The following TMEM120B variants were observed in gnomAD, a reference collection of about 807,000 sequenced individuals.
TMEM120B encodes the protein transmembrane protein 120B.
A neutral mutation model predicts 55.5 loss-of-function variants in TMEM120B; 31 were observed. The observed-to-expected ratio is 0.56, with a 90% confidence interval of 0.42 to 0.75. The LOEUF is 0.75. Among genes scored for constraint, TMEM120B ranks in the 30% least tolerant of loss-of-function variants. The pLI, the probability that TMEM120B is intolerant of heterozygous loss-of-function variation, is 0.00. For synonymous variants in TMEM120B, 203 were observed against 176.3 expected (o/e 1.15, Z -1.20); for missense variants, 399 against 425.5 (o/e 0.94, Z 0.55).
At chr12:121,766,573 C>T (rs1873858096) in intron 6 of TMEM120B, among the ~76,000 whole-genome samples, 1 of 152,264 alleles carries the variant, frequency 6.6e-6, no homozygotes, top group East Asian at 1.9e-4. Context: ...TCTGATTGGC[C>T]AGGCTTGGGT....
At chr12:121,769,257 C>T (rs1566525057) in intron 6 of TMEM120B, among the ~76,000 whole-genome samples, 3 of 151,486 alleles carry the variant, frequency 2.0e-5, no homozygotes, top group South Asian at 4.2e-4. Flanking sequence ...AAGTCCAGGG[C>T]TGGGCAAGGG....
At chr12:121,769,541 A>T (rs977198490) in intron 6 of TMEM120B, among the ~76,000 whole-genome samples, 2 of 126,070 alleles carry the variant, frequency 1.6e-5, no homozygotes, top group Non-Finnish European at 1.9e-5. Flanking sequence ...CCCTGTCTCT[A>T]AAAAAAAAAA....
chr12:121,756,218 C>G (rs150822894), intron 5 of TMEM120B, among the ~76,000 whole-genome samples: 297 of 152,242 alleles, frequency 2.0e-3, no homozygotes, highest in African/African-American at 6.3e-3. Flanking sequence ...TTGAGATGGG[C>G]CGGGTGTGGT....
intron 5 of TMEM120B, chr12:121,758,287 C>T: frequency 1.0e-6 from 1 of 985,478 alleles, no homozygotes; most frequent in African/African-American, 1.7e-5. Context: ...GCCAGTGGGG[C>T]TCTGATAATC....
Position 121,761,650 on chromosome 12 carries a change from G to A in TMEM120B, c.463G>A (p.Val155Met), listed in dbSNP as rs1282572976. 1 of 1,613,700 alleles carries A rather than the reference G, an allele frequency of 6.2e-7. No homozygotes were observed. The highest frequency in any genetic ancestry group is 2.2e-5 in the East Asian group (1 of 44,874). The change falls in exon 6 of 12, where the codon GTG becomes ATG. Residue 155 changes from valine (V) to methionine (M), a missense_variant and splice_region_variant. This residue lies in a region of TMEM120B where 260 missense variants were observed against 303.9 expected (regional missense o/e 0.86). Transcript: ENST00000449592. ...CCCGGGGGCTGTTTCCTTGCACAGG[G>A]TGACTGACGAAGTCTTCAACTTCCT... is the stretch of plus-strand genomic sequence containing the variant. ...VACRFVLHYR[V>M]TDEVFNFLLV...
At chr12:121,742,200 A>C (rs776387118) in intron 1 of TMEM120B, among the ~76,000 whole-genome samples, 46 of 151,970 alleles carry the variant, frequency 3.0e-4, no homozygotes, top group Non-Finnish European at 5.4e-4. Flanking sequence ...ACAGGGTTTC[A>C]CTATTTTGGT....
chr12:121,753,910 G>C (rs1195507683), intron 5 of TMEM120B, among the ~76,000 whole-genome samples: 1 of 152,182 alleles, frequency 6.6e-6, no homozygotes, highest in African/African-American at 2.4e-5. Flanking sequence ...AGGCGCTGCT[G>C]GGGGTGCTCC....
intron 9 of TMEM120B, 99 bp downstream of exon 9, chr12:121,773,612 GC>G: frequency 2.3e-6 from 2 of 881,282 alleles, no homozygotes; most frequent in Non-Finnish European, 3.3e-6. Flanking sequence ...ATACAGCGGA[GC>G]CAGGCCGCTG....
At chr12:121,713,253 CA>C (rs1238382628) in intron 1 of TMEM120B, among the ~76,000 whole-genome samples, 1 of 152,180 alleles carries the variant, frequency 6.6e-6, no homozygotes, top group Non-Finnish European at 1.5e-5. Flanking sequence ...GCCTCTGAGG[CA>C]AGTTCCAGGC....
intron 1 of TMEM120B, among the ~76,000 whole-genome samples, chr12:121,717,255 C>T (rs904780589): frequency 1.3e-5 from 2 of 152,144 alleles, no homozygotes; most frequent in Non-Finnish European, 2.9e-5. Context: ...CTCGTTCCTC[C>T]CAGCCAAGGA....
intron 6 of TMEM120B, among the ~76,000 whole-genome samples, chr12:121,763,262 A>AAC (rs1324907419): frequency 4.1e-5 from 6 of 144,992 alleles, no homozygotes; most frequent in African/African-American, 1.3e-4. Flanking sequence ...TCCCGGGTTC[A>AAC]CGCCATTCTC....
intron 1 of TMEM120B, among the ~76,000 whole-genome samples, chr12:121,736,859 C>T (rs368248901): frequency 2.6e-5 from 4 of 152,022 alleles, no homozygotes; most frequent in Admixed American, 1.3e-4. Context: ...CGTTTCTTTA[C>T]GTACATGTCT....
intron 6 of TMEM120B, among the ~76,000 whole-genome samples, chr12:121,762,743 G>T (rs1229840247): frequency 2.6e-5 from 4 of 152,218 alleles, no homozygotes; most frequent in African/African-American, 9.6e-5. Flanking sequence ...GAGTGGACAG[G>T]TGAAGAGGAT....
chr12:121,730,243 G>A (rs1183771293), intron 1 of TMEM120B, among the ~76,000 whole-genome samples: 1 of 149,836 alleles, frequency 6.7e-6, no homozygotes, highest in Non-Finnish European at 1.5e-5. Context: ...TGGCAACAGA[G>A]TGAGACTCCA....
At chr12:121,767,451 C>T (rs1348430784) in intron 6 of TMEM120B, among the ~76,000 whole-genome samples, 2 of 152,220 alleles carry the variant, frequency 1.3e-5, no homozygotes, top group African/African-American at 4.8e-5. Context: ...TGAGCCACCG[C>T]GCCCAGCTGC....
intron 1 of TMEM120B, among the ~76,000 whole-genome samples, chr12:121,715,130 G>A (rs1894676731): frequency 6.6e-6 from 1 of 151,982 alleles, no homozygotes. Context: ...AAGGTTTGGA[G>A]TTTGAGACCA....
intron 6 of TMEM120B, 98 bp from the exon 7 acceptor site, chr12:121,770,809 T>C: frequency 9.0e-7 from 1 of 1,116,194 alleles, no homozygotes; most frequent in South Asian, 1.3e-5. Context: ...CGTCTCTGAG[T>C]GCAGAGTAAC....
At position 121,778,984 on chromosome 12, in the gene TMEM120B, G is replaced by A; in HGVS notation, c.*3262G>A. On this transcript the variant is annotated 3_prime_UTR_variant, in exon 12 of 12. Coordinates refer to ENST00000449592, the MANE Select transcript of TMEM120B (RefSeq NM_001080825.2). The stretch of plus-strand genomic sequence containing the variant: ...AGATGGGAGGGGTGGGTGCCAGGCT[G>A]CAGCCTGTGTCCTCCTGATAGGCCC... 1 of 156,510 alleles carries A rather than the reference G, an allele frequency of 6.4e-6. No individual in the cohort carries two copies. The highest frequency in any genetic ancestry group is 1.9e-4 in the South Asian group (1 of 5,180). The allele number at this position is 156,510 out of a possible 1,614,324, so 9.7% of individuals were successfully genotyped here.
intron 4 of TMEM120B, among the ~76,000 whole-genome samples, chr12:121,750,932 C>A (rs1203330281): frequency 9.7e-6 from 1 of 103,568 alleles, no homozygotes; most frequent in Non-Finnish European, 2.0e-5. Flanking sequence ...CACACCTCAC[C>A]CCACACCCCA....
Sources: gnomAD v4.1 joint callset for allele counts (sites outside exome capture counted in the v4.1 genomes callset) on GRCh38, gnomAD v4.1.1 for gene constraint, gnomAD v4.1.1 regional missense constraint, MANE v1.5 for transcripts, NCBI Gene and HGNC (gene_info 2026-07-23, HGNC 2026-07-21) for gene names.